The following IQSEC1 variants were observed in gnomAD, a reference collection of about 807,000 sequenced individuals.
IQSEC1 encodes the protein IQ motif and Sec7 domain ArfGEF 1.
In IQSEC1, 31 loss-of-function variants were observed where a neutral mutation model predicts 91.0. The ratio of observed to expected loss-of-function variants is 0.34; its 90% CI spans 0.26 to 0.46. The LOEUF is 0.46. Ranked by LOEUF, IQSEC1 falls within the 20% of genes least tolerant of loss-of-function variation. IQSEC1 has a pLI of 1.00. For synonymous variants in IQSEC1, 699 were observed against 662.6 expected (o/e 1.05, Z -0.84); for missense variants, 1,388 against 1,575.6 (o/e 0.88, Z 2.02).
intron 1 of IQSEC1, among the ~76,000 whole-genome samples, chr3:13,227,393 A>AAG (rs1553576762): frequency 3.6e-5 from 5 of 140,814 alleles, no homozygotes; most frequent in African/African-American, 5.9e-5. Context: ...AAAAAAAAAA[A>AAG]AAAGAAAGAA....
chr3:13,031,887 G>A (rs564444257), intron 1 of IQSEC1, among the ~76,000 whole-genome samples: 1 of 152,070 alleles, frequency 6.6e-6, no homozygotes, highest in Non-Finnish European at 1.5e-5. Context: ...GAGGTCTAGG[G>A]TAGAGAACTT....
chr3:13,281,795 A>C (rs1695794440), intron 1 of IQSEC1, among the ~76,000 whole-genome samples: 1 of 152,206 alleles, frequency 6.6e-6, no homozygotes, highest in African/African-American at 2.4e-5. Context: ...AGTGATTTCT[A>C]GTCTTCCCCA....
At chr3:13,076,601 C>T (rs1705566228), upstream of IQSEC1, among the ~76,000 whole-genome samples, 1 of 152,112 alleles carries the variant, frequency 6.6e-6, no homozygotes, top group South Asian at 2.1e-4. Context: ...GCCCCGAATC[C>T]CAGGGATTCA....
intron 1 of IQSEC1, among the ~76,000 whole-genome samples, chr3:13,206,092 T>C (rs1475052004): frequency 7.0e-6 from 1 of 142,160 alleles, no homozygotes; most frequent in African/African-American, 2.6e-5. Context: ...CGGTCAACCA[T>C]TCCTCCATCC....
intron 1 of IQSEC1, among the ~76,000 whole-genome samples, chr3:13,025,367 G>A (rs1703573477): frequency 6.6e-6 from 1 of 152,274 alleles, no homozygotes; most frequent in African/African-American, 2.4e-5. Context: ...GGACACATTT[G>A]TTCCCTGGGA....
At chr3:13,194,239 T>C (rs1458683603) in intron 1 of IQSEC1, among the ~76,000 whole-genome samples, 4 of 152,008 alleles carry the variant, frequency 2.6e-5, no homozygotes, top group African/African-American at 4.8e-5. Context: ...CCGGGAGCAG[T>C]TGGAATGAGT....
At chr3:13,239,212 G>A (rs142359456) in intron 1 of IQSEC1, among the ~76,000 whole-genome samples, 12 of 152,318 alleles carry the variant, frequency 7.9e-5, no homozygotes, top group South Asian at 2.1e-4. Flanking sequence ...TTATGCTGGC[G>A]GACAGCGGCT....
At chr3:13,250,077 G>A (rs570135365) in intron 1 of IQSEC1, among the ~76,000 whole-genome samples, 41 of 152,322 alleles carry the variant, frequency 2.7e-4, no homozygotes, top group African/African-American at 9.1e-4. Context: ...CTCACAGCAC[G>A]GCTCCACGTT....
At chr3:13,038,260 GTGTATATATATA>G (rs1312786360) in intron 1 of IQSEC1, among the ~76,000 whole-genome samples, 38 of 62,376 alleles carry the variant, frequency 6.1e-4, no homozygotes, top group Middle Eastern at 0.01. Flanking sequence ...GTGTGTGTGT[GTGTATATATATA>G]TATATATATA....
intron 1 of IQSEC1, among the ~76,000 whole-genome samples, chr3:13,071,444 G>A (rs575371641): frequency 1.3e-5 from 2 of 152,266 alleles, no homozygotes; most frequent in South Asian, 4.1e-4. Context: ...ACAGCCCTGA[G>A]AGTTTAGAAT....
At chr3:12,919,774 G>A (rs1013576228) in intron 6 of IQSEC1, among the ~76,000 whole-genome samples, 3 of 152,250 alleles carry the variant, frequency 2.0e-5, no homozygotes, top group African/African-American at 7.2e-5. Flanking sequence ...GGACCCTGGG[G>A]CACACAGGGG....
intron 2 of IQSEC1, among the ~76,000 whole-genome samples, chr3:13,094,890 G>T (rs1260290036): frequency 6.6e-6 from 1 of 152,122 alleles, no homozygotes; most frequent in African/African-American, 2.4e-5. Flanking sequence ...GATACATTTC[G>T]ATGGACCATG....
chr3:13,137,422 G>A (rs569220835), intron 2 of IQSEC1, among the ~76,000 whole-genome samples: 1 of 152,340 alleles, frequency 6.6e-6, no homozygotes, highest in African/African-American at 2.4e-5. Context: ...GGTGGAAAAT[G>A]CCAATCTTAG....
chr3:12,931,951 C>G (rs917759111), intron 3 of IQSEC1, among the ~76,000 whole-genome samples: 12 of 152,242 alleles, frequency 7.9e-5, no homozygotes, highest in African/African-American at 2.7e-4. Context: ...ACATGTTTCT[C>G]AGAGACAAGC....
intron 2 of IQSEC1, among the ~76,000 whole-genome samples, chr3:13,107,528 G>T (rs1009582653): frequency 6.6e-6 from 1 of 152,242 alleles, no homozygotes; most frequent in Non-Finnish European, 1.5e-5. Context: ...CAAGGCCACA[G>T]AGCTGGTAAG....
chr3:12,980,856 C>T (rs1466182075), intron 1 of IQSEC1, among the ~76,000 whole-genome samples: 2 of 152,194 alleles, frequency 1.3e-5, no homozygotes, highest in African/African-American at 2.4e-5. Flanking sequence ...ATGCTCCTTC[C>T]TGGGAGGAGC....
intron 1 of IQSEC1, among the ~76,000 whole-genome samples, chr3:13,240,253 G>A (rs868330665): frequency 6.6e-6 from 1 of 152,214 alleles, no homozygotes; most frequent in Non-Finnish European, 1.5e-5. Context: ...CAGGTGAGGT[G>A]GTATGTGCCT....
At chr3:13,236,093 G>A (rs1180609630) in intron 1 of IQSEC1, among the ~76,000 whole-genome samples, 1 of 152,066 alleles carries the variant, frequency 6.6e-6, no homozygotes, top group Non-Finnish European at 1.5e-5. Flanking sequence ...GCCGTGCCAG[G>A]CTCACCAACC....
At chr3:13,037,599 GTGGGA>G (rs1404845192) in intron 1 of IQSEC1, among the ~76,000 whole-genome samples, 1 of 152,172 alleles carries the variant, frequency 6.6e-6, no homozygotes, top group Non-Finnish European at 1.5e-5. Context: ...TAGTGAACAG[GTGGGA>G]ACAACACAAG....
Sources: allele counts gnomAD v4.1 joint callset (sites outside exome capture counted in the v4.1 genomes callset), GRCh38; gene constraint gnomAD v4.1.1; transcripts MANE v1.5; gene names NCBI Gene and HGNC (gene_info 2026-07-23, HGNC 2026-07-21).